SIGLEC6: variants seen among roughly 807,000 people sequenced by gnomAD.
SIGLEC6 encodes sialic acid binding Ig like lectin 6.
A neutral mutation model predicts 41.4 loss-of-function variants in SIGLEC6; 31 were observed. That is an observed-to-expected ratio of 0.75 (90% CI 0.56 to 1.01). The LOEUF (loss-of-function observed/expected upper bound fraction) is 1.01. Ranked by LOEUF, SIGLEC6 falls within the 50% of genes least tolerant of loss-of-function variation. The pLI, the probability that SIGLEC6 is intolerant of heterozygous loss-of-function variation, is 0.00. For synonymous variants in SIGLEC6, 217 were observed against 231.0 expected (o/e 0.94, Z 0.55); for missense variants, 555 against 558.6 (o/e 0.99, Z 0.06).
At chr19:51,523,166 A>G (rs1400044180) in intron 7 of SIGLEC6, among the ~76,000 whole-genome samples, 1 of 152,202 alleles carries the variant, frequency 6.6e-6, no homozygotes, top group Non-Finnish European at 1.5e-5. Flanking sequence ...ACTGAATTGA[A>G]TTTCTAGAGA....
Position 51,519,091 on chromosome 19 carries a change from C to A in SIGLEC6, c.*991G>T, listed in dbSNP as rs1197005008. ...AGGGCAGATCACGAGGTCAGGAGATCAAGACCATCCTGGCTAACACGGTGA... is the reference window on the plus strand; with the variant it reads ...AGGGCAGATCACGAGGTCAGGAGATAAAGACCATCCTGGCTAACACGGTGA... On this transcript the variant is annotated 3_prime_UTR_variant, in exon 8 of 8. Coordinates refer to ENST00000425629, the MANE Select transcript of SIGLEC6 (RefSeq NM_001245.7). Among the ~76,000 whole-genome samples, 1 of 151,944 alleles carries A rather than the reference C, an allele frequency of 6.6e-6. No individual in the cohort carries two copies. The highest frequency in any genetic ancestry group is 1.5e-5 in the Non-Finnish European group (1 of 67,980).
intron 7 of SIGLEC6, among the ~76,000 whole-genome samples, chr19:51,523,737 T>TC (rs772222460): frequency 2.6e-5 from 4 of 152,114 alleles, no homozygotes; most frequent in Admixed American, 6.5e-5. Flanking sequence ...AAAGTAAGGG[T>TC]CCGCTGGGCA....
At chr19:51,525,157 G>A (rs1332991068) in intron 7 of SIGLEC6, among the ~76,000 whole-genome samples, 1 of 152,168 alleles carries the variant, frequency 6.6e-6, no homozygotes, top group Non-Finnish European at 1.5e-5. Context: ...GTGCTGAGGA[G>A]CTGACAGATT....
Position 51,531,251 on chromosome 19 carries a change from C to T in SIGLEC6, c.336G>A (p.Arg112=). The T allele has an allele frequency of 6.2e-7, 1 of 1,614,112 alleles. No individual in the cohort carries two copies. Among genetic ancestry groups the T allele is most frequent in the Non-Finnish European group, 8.5e-7 (1 of 1,179,990 alleles). ...AGAAGTATGCAGCATTGTCCCTCCT[C>T]CGGGCATCTCTGATGCTCAGGGAGC... ...KNCSLSIRDA[R]RRDNAAYFFR... The change falls in exon 2 of 8, where the codon CGG becomes CGA. Residue 112 remains arginine (R), a synonymous_variant. Transcript: ENST00000425629.
In SIGLEC6 at chr19:51,518,836, A is replaced by G. The variant is rs569776663; in HGVS notation, c.*1246T>C. Among the ~76,000 whole-genome samples, 1 of 152,152 alleles carries G rather than the reference A, an allele frequency of 6.6e-6. No homozygotes were observed. The highest frequency in any genetic ancestry group is 2.4e-5 in the African/African-American group (1 of 41,434). ...TGATCTGGGGAAATCTGGATGGACA[A>G]GATCATGTAGAGAGCCTTGAGCAGA... On this transcript the variant is annotated 3_prime_UTR_variant, in exon 8 of 8. Transcript: ENST00000425629.
intron 7 of SIGLEC6, among the ~76,000 whole-genome samples, chr19:51,524,004 C>G (rs1978766929): frequency 6.6e-6 from 1 of 151,300 alleles, no homozygotes; most frequent in Non-Finnish European, 1.5e-5. Context: ...GCCTGGGTGA[C>G]AGAGTGAGAC....
intron 5 of SIGLEC6, 27 bp downstream of exon 5, chr19:51,529,697 C>A: frequency 6.2e-7 from 1 of 1,613,400 alleles, no homozygotes; most frequent in South Asian, 1.1e-5. Flanking sequence ...GCTGCCCACA[C>A]TCTCGCGCAC....
chr19:51,521,051 GA>G (rs1156976179), intron 7 of SIGLEC6, among the ~76,000 whole-genome samples: 1 of 106,430 alleles, frequency 9.4e-6, no homozygotes, highest in African/African-American at 3.4e-5. Context: ...CAGATATTTT[GA>G]AATATAAAGC....
At position 51,531,169 on chromosome 19, in the gene SIGLEC6, G is replaced by T; in HGVS notation, c.418C>A (p.Arg140Ser). The T allele has an allele frequency of 1.3e-6, 2 of 1,584,808 alleles. No individual in the cohort carries two copies. Among genetic ancestry groups the T allele is most frequent in the Non-Finnish European group, 1.7e-6 (2 of 1,163,808 alleles). ...YGYTSSKLSV[R>S]VMALTHRPNI... ...GGAGCTGGTTCCTTACCCATCACAC[G>T]CACAGAGAGCTTGGAAGATGTATAA... is the stretch of plus-strand genomic sequence containing the variant. The change falls in exon 2 of 8, where the codon CGT becomes AGT. Residue 140 changes from arginine to serine, a missense_variant. Physicochemically the swap from Arg to Ser is moderately radical, Grantham distance 110 (BLOSUM62 -1). Transcript: ENST00000425629.
intron 7 of SIGLEC6, among the ~76,000 whole-genome samples, chr19:51,525,443 T>A (rs1979051768): frequency 6.6e-6 from 1 of 152,104 alleles, no homozygotes; most frequent in South Asian, 2.1e-4. Context: ...CCAGACCGTA[T>A]CAGTGTGGGT....
Position 51,527,791 on chromosome 19 carries a change from G to A in SIGLEC6, c.1144C>T (p.Gln382Ter), listed in dbSNP as rs762032920. 5.6e-6 allele frequency: 9 copies of A among 1,614,042 alleles called. No individual in the cohort carries two copies. Among genetic ancestry groups the A allele is most frequent in the Non-Finnish European group, 5.9e-6 (7 of 1,180,004 alleles). Residue 382 changes from glutamine (Q) to a stop codon, truncating the protein, a stop_gained, in exon 7 of 8, where the codon CAA (glutamine) becomes TAA (stop). Coordinates refer to ENST00000425629, the MANE Select transcript of SIGLEC6 (RefSeq NM_001245.7). LOFTEE classifies it low-confidence loss of function (END_TRUNC). ...TRRKKAAQPV[Q>*]NTDDVNPVMV... Reference sequence around the variant, plus strand: ...ACGGGGTTCACATCATCCGTGTTTTGCACTGGCTGGGCTGCTTTCTTCCTT... The same window carrying A: ...ACGGGGTTCACATCATCCGTGTTTTACACTGGCTGGGCTGCTTTCTTCCTT...
At chr19:51,525,582 A>G (rs1979082832) in intron 7 of SIGLEC6, among the ~76,000 whole-genome samples, 1 of 152,172 alleles carries the variant, frequency 6.6e-6, no homozygotes, top group Admixed American at 6.5e-5. Flanking sequence ...GTCAACCCAC[A>G]GGCTCTTTGC....
intron 7 of SIGLEC6, among the ~76,000 whole-genome samples, chr19:51,521,417 C>A (rs752857909): frequency 2.0e-5 from 3 of 151,930 alleles, no homozygotes; most frequent in African/African-American, 7.3e-5. Context: ...GGTGACAGTG[C>A]GTGAATGGCT....
Position 51,529,887 on chromosome 19 carries a change from G to C in SIGLEC6, c.849C>G (p.His283Gln). ...CGGGGAAGCCCTGGAACCAGCTCAG[G>C]TGTGCAGGGGGGTTGCCGTCAGCAT... ...LCDADGNPPA[H>Q]LSWFQGFPAL... Residue 283 changes from histidine to glutamine, a missense_variant, in exon 5 of 8, where the codon CAC becomes CAG. Physicochemically the swap from His to Gln is conservative, Grantham distance 24. Coordinates refer to ENST00000425629, the MANE Select transcript of SIGLEC6 (RefSeq NM_001245.7). 1.9e-6 allele frequency: 3 copies of C among 1,614,124 alleles called. No homozygotes were observed. Among genetic ancestry groups the C allele is most frequent in the Non-Finnish European group, 1.7e-6 (2 of 1,179,994 alleles).
chr19:51,530,561 T>A, intron 3 of SIGLEC6, 77 bp from the exon 4 acceptor site: 1 of 1,608,746 alleles, frequency 6.2e-7, no homozygotes, highest in Non-Finnish European at 8.5e-7. Context: ...TCAGGAGCCA[T>A]GAAAACAGGG....
chr19:51,525,446 G>A (rs553297779), intron 7 of SIGLEC6, among the ~76,000 whole-genome samples: 73 of 152,302 alleles, frequency 4.8e-4, no homozygotes, highest in African/African-American at 1.7e-3. Context: ...GACCGTATCA[G>A]TGTGGGTCCC....
chr19:51,526,920 C>T (rs948833315), intron 7 of SIGLEC6, among the ~76,000 whole-genome samples: 8 of 152,064 alleles, frequency 5.3e-5, no homozygotes, highest in Admixed American at 5.2e-4. Context: ...GTATTAACAG[C>T]AGAATAAACC....
rs564780705 is a variant in SIGLEC6 at position 51,527,922 on chromosome 19, A to T, written c.1107-94T>A. On this transcript the variant is annotated intron_variant, in intron 6 of 7. Coordinates refer to ENST00000425629, the MANE Select transcript of SIGLEC6 (RefSeq NM_001245.7). ...CCCCACTCCCTATGGAGAGTACAGA[A>T]GTAATTAAGAGGTCCAGGTGCTCAC... 4 of 1,227,466 alleles carry T rather than the reference A, an allele frequency of 3.3e-6. No individual in the cohort carries two copies. The South Asian group carries it at 3.9e-5, about 12-fold the overall frequency. 76.0% of individuals were successfully genotyped at this position (1,227,466 alleles called of 1,614,324 possible).
chr19:51,526,832 T>C lies in SIGLEC6; in HGVS notation c.1188+915A>G. On this transcript the variant is annotated intron_variant, in intron 7 of 7. Transcript: ENST00000425629. Reference sequence around the variant, plus strand: ...ACAATTGAAGAGATGAAAGATGAAATAGCCACCTTAAGAAAGAACCAAACT... The same window carrying C: ...ACAATTGAAGAGATGAAAGATGAAACAGCCACCTTAAGAAAGAACCAAACT... Among the ~76,000 whole-genome samples the C allele has an allele frequency of 2.0e-5, 3 of 152,074 alleles. No homozygotes were observed. In the South Asian group the frequency reaches 6.2e-4, roughly 32 times the overall value.
Sources: allele counts gnomAD v4.1 joint callset (sites outside exome capture counted in the v4.1 genomes callset), GRCh38; gene constraint gnomAD v4.1.1; transcripts MANE v1.5; gene names NCBI Gene and HGNC (gene_info 2026-07-23, HGNC 2026-07-21).